Variants in AFG2A observed in about 807,000 individuals in gnomAD.
AFG2A encodes AAA ATPase AFG2A.
the AFG2A span, among the ~76,000 whole-genome samples, chr4:122,929,701 A>AT: frequency 3.1e-5 from 1 of 32,154 alleles, no homozygotes; most frequent in Non-Finnish European, 9.3e-5. Context: ...TGTGTCTCAA[A>AT]GAAAAAAAAA....
chr4:123,136,576 A>T, the AFG2A span, among the ~76,000 whole-genome samples: 2 of 152,004 alleles, frequency 1.3e-5, no homozygotes, highest in Non-Finnish European at 2.9e-5. Flanking sequence ...TGGGAGGCTG[A>T]GGCAGGAGAA....
chr4:123,210,046 T>C, the AFG2A span, among the ~76,000 whole-genome samples: 2 of 152,168 alleles, frequency 1.3e-5, no homozygotes, highest in African/African-American at 4.8e-5. Context: ...ATTCCCTAAG[T>C]TGATTTATCT....
chr4:122,981,797 T>G, the AFG2A span, among the ~76,000 whole-genome samples: 3 of 152,070 alleles, frequency 2.0e-5, 1 homozygote, highest in South Asian at 6.2e-4. Flanking sequence ...CTTTTTTTAA[T>G]TTTTTGGATA....
chr4:122,970,535 G>A, the AFG2A span, among the ~76,000 whole-genome samples: 2 of 140,514 alleles, frequency 1.4e-5, no homozygotes, highest in Admixed American at 7.1e-5. Flanking sequence ...GCAGTGGCAC[G>A]ATCTTTGTAA....
chr4:123,131,108 G>A, the AFG2A span, among the ~76,000 whole-genome samples: 1 of 151,964 alleles, frequency 6.6e-6, no homozygotes, highest in Admixed American at 6.6e-5. Flanking sequence ...CCCTTTCAAT[G>A]GGTTGTTTTC....
chr4:123,199,462 G>GTTTT, the AFG2A span, among the ~76,000 whole-genome samples: 24 of 47,444 alleles, frequency 5.1e-4, 2 homozygotes, highest in East Asian at 7.4e-4. Flanking sequence ...ATACTCAGAG[G>GTTTT]TTTTTTTTTT....
the AFG2A span, among the ~76,000 whole-genome samples, chr4:123,209,584 G>T: frequency 1.3e-4 from 14 of 105,478 alleles, no homozygotes; most frequent in Admixed American, 8.6e-4. Flanking sequence ...GATGCATCAA[G>T]AATTTTTTTT....
chr4:123,191,713 G>T, the AFG2A span, among the ~76,000 whole-genome samples: 1 of 151,638 alleles, frequency 6.6e-6, no homozygotes, highest in Non-Finnish European at 1.5e-5. Flanking sequence ...AGGAAAACAG[G>T]GTTATTTTGT....
At chr4:123,307,602 T>C in the AFG2A span, among the ~76,000 whole-genome samples, 1 of 152,236 alleles carries the variant, frequency 6.6e-6, no homozygotes, top group Admixed American at 6.5e-5. Context: ...AATCTTAGGT[T>C]AGTTTCATCA....
chr4:123,273,413 A>T, the AFG2A span, among the ~76,000 whole-genome samples: 1 of 152,124 alleles, frequency 6.6e-6, no homozygotes, highest in Non-Finnish European at 1.5e-5. Context: ...TCCCTATTTC[A>T]TTGAAAATAT....
At chr4:123,113,001 T>C in the AFG2A span, among the ~76,000 whole-genome samples, 1 of 152,208 alleles carries the variant, frequency 6.6e-6, no homozygotes, top group African/African-American at 2.4e-5. Context: ...TAGAGGTTAG[T>C]GTGGAGTCAT....
At chr4:123,100,186 A>G in the AFG2A span, among the ~76,000 whole-genome samples, 1 of 151,778 alleles carries the variant, frequency 6.6e-6, no homozygotes, top group South Asian at 2.1e-4. Context: ...TTATTCACCC[A>G]CACTGATGGG....
At chr4:123,007,592 GTGTGTGTGTGTGTGTGTA>G in the AFG2A span, among the ~76,000 whole-genome samples, 107 of 27,444 alleles carry the variant, frequency 3.9e-3, no homozygotes, top group African/African-American at 9.1e-3. Context: ...GTGTGTGTGT[GTGTGTGTGTGTGTGTGTA>G]TATATATATA....
the AFG2A span, among the ~76,000 whole-genome samples, chr4:123,192,908 C>T: frequency 1.3e-5 from 2 of 152,148 alleles, no homozygotes; most frequent in African/African-American, 4.8e-5. Context: ...TAACTTTAAA[C>T]AAATTATAAA....
chr4:122,945,349 C>T, the AFG2A span, among the ~76,000 whole-genome samples: 17 of 152,256 alleles, frequency 1.1e-4, 1 homozygote, highest in South Asian at 2.5e-3. Context: ...TGGGCAATGG[C>T]GGGCGCCCCT....
the AFG2A span, among the ~76,000 whole-genome samples, chr4:122,948,410 AC>A: frequency 6.6e-6 from 1 of 151,180 alleles, no homozygotes; most frequent in Non-Finnish European, 1.5e-5. Flanking sequence ...ACACACACAC[AC>A]ACACACACAC....
the AFG2A span, among the ~76,000 whole-genome samples, chr4:123,246,634 ACTGT>A: frequency 6.6e-6 from 1 of 152,014 alleles, no homozygotes; most frequent in Admixed American, 6.6e-5. Flanking sequence ...AGATGATACC[ACTGT>A]CTGACTGCCT....
At chr4:123,264,377 A>G in the AFG2A span, among the ~76,000 whole-genome samples, 6 of 152,206 alleles carry the variant, frequency 3.9e-5, no homozygotes, top group African/African-American at 1.4e-4. Context: ...AATGAAAATA[A>G]TAATAAAAGG....
chr4:123,144,749 C>A, the AFG2A span, among the ~76,000 whole-genome samples: 3 of 151,956 alleles, frequency 2.0e-5, no homozygotes, highest in Non-Finnish European at 4.4e-5. Flanking sequence ...CTCAAAGAAC[C>A]TGTGTTGTAA....
Sources: gnomAD v4.1 joint callset for allele counts (sites outside exome capture counted in the v4.1 genomes callset) on GRCh38, gnomAD v4.1.1 for gene constraint, MANE v1.5 for transcripts, NCBI Gene and HGNC (gene_info 2026-07-23, HGNC 2026-07-21) for gene names.